The following DYSF variants were observed in gnomAD, a reference collection of about 807,000 sequenced individuals.
DYSF encodes dystrophy-associated fer-1-like 1.
In DYSF, 212 loss-of-function variants were observed where a neutral mutation model predicts 274.9. That is an observed-to-expected ratio of 0.77 (90% CI 0.69 to 0.86). DYSF has a LOEUF of 0.86. Ranked by LOEUF, DYSF falls within the 40% of genes least tolerant of loss-of-function variation. The pLI, the probability that DYSF is intolerant of heterozygous loss-of-function variation, is 0.00. For missense variants in DYSF, 2,666 were observed against 2,783.2 expected (o/e 0.96, Z 0.95); for synonymous variants, 1,091 against 1,078.7 (o/e 1.01, Z -0.22).
intron 1 of DYSF, among the ~76,000 whole-genome samples, chr2:71,461,284 G>T (rs2081276751): frequency 6.6e-6 from 1 of 152,214 alleles, no homozygotes; most frequent in Admixed American, 6.5e-5. Context: ...TTGCCAGAGG[G>T]ACCCGTCTAG....
At chr2:71,516,320 G>T (rs1040876025) in intron 9 of DYSF, 78 bp downstream of exon 9, 1 of 1,365,892 alleles carries the variant, frequency 7.3e-7, no homozygotes, top group Non-Finnish European at 1.0e-6. Context: ...GTGTGTGTTT[G>T]TGCACGTGTG....
intron 1 of DYSF, among the ~76,000 whole-genome samples, chr2:71,474,395 C>G (rs78022289): frequency 0.017 from 2,577 of 152,340 alleles, 87 homozygotes; most frequent in African/African-American, 0.059. Flanking sequence ...GCATGGCCCC[C>G]TTTCCTCACC....
At position 71,658,961 on chromosome 2, in the gene DYSF, AC is replaced by A; in HGVS notation, c.4843del (p.Gln1615ArgfsTer32). On this transcript the variant is annotated frameshift_variant, in exon 44 of 56. Coordinates refer to ENST00000410020, the MANE Select transcript of DYSF (RefSeq NM_001130987.2). LOFTEE classifies it high-confidence loss of function. ...AGTTCCACCAGCTGGCCGCCCAGGG[AC>A]CCCAGGAGTGCTTGGTCCGTATCTA... Reference protein sequence around the residue: ...RQFHQLAAQGPQECLVRIYIV... With the variant: ...RQFHQLAAQGXQECLVRIYIV... 1.2e-6 allele frequency: 2 copies of A among 1,613,960 alleles called. No homozygotes were observed. Among genetic ancestry groups the A allele is most frequent in the Non-Finnish European group, 1.7e-6 (2 of 1,179,978 alleles).
intron 51 of DYSF, among the ~76,000 whole-genome samples, chr2:71,673,937 A>T (rs1215684018): frequency 1.3e-5 from 2 of 152,192 alleles, no homozygotes; most frequent in Non-Finnish European, 2.9e-5. Context: ...AATGGGAGTG[A>T]TAACCTTGAC....
At chr2:71,453,687 G>A (rs2080931810) in exon 1 of DYSF, 1 of 441,486 alleles carries the variant, frequency 2.3e-6, no homozygotes, top group East Asian at 4.6e-5. Flanking sequence ...CGGAGCATTA[G>A]ATTACAGCTC....
At chr2:71,603,757 G>A (rs891444638) in intron 36 of DYSF, among the ~76,000 whole-genome samples, 2 of 152,306 alleles carry the variant, frequency 1.3e-5, no homozygotes, top group East Asian at 3.9e-4. Context: ...TCCTGTCCAG[G>A]GAAGCAGCAC....
At chr2:71,647,082 T>G (rs2094578649) in intron 42 of DYSF, among the ~76,000 whole-genome samples, 1 of 152,164 alleles carries the variant, frequency 6.6e-6, no homozygotes, top group Non-Finnish European at 1.5e-5. Flanking sequence ...TATAAACTGA[T>G]ATCTCACACT....
chr2:71,583,213 C>T lies in DYSF; in HGVS notation c.3403-6380C>T, dbSNP rs551398887. ...AATTCCTGAAAATATAATCTGCTCT[C>T]GTGAACCACATGCGCTCACTCCAGC... On this transcript the variant is annotated intron_variant, in intron 30 of 55. Transcript: ENST00000410020. Among the ~76,000 whole-genome samples, 7 of 152,284 alleles carry T rather than the reference C, an allele frequency of 4.6e-5. No homozygotes were observed. In the East Asian group the frequency reaches 5.8e-4, roughly 13 times the overall value.
At chr2:71,516,693 C>CACT (rs1045150718) in intron 9 of DYSF, among the ~76,000 whole-genome samples, 3 of 152,226 alleles carry the variant, frequency 2.0e-5, no homozygotes, top group Admixed American at 2.0e-4. Context: ...GCACTGCAGC[C>CACT]TAGTGGCTCT....
intron 24 of DYSF, among the ~76,000 whole-genome samples, chr2:71,566,080 A>T (rs1035673563): frequency 7.3e-5 from 11 of 151,534 alleles, no homozygotes; most frequent in Non-Finnish European, 1.2e-4. Context: ...TTAGATTCTA[A>T]CCTCCTGTGC....
chr2:71,524,982 A>G (rs1279924065), intron 12 of DYSF, among the ~76,000 whole-genome samples: 1 of 152,240 alleles, frequency 6.6e-6, no homozygotes, highest in East Asian at 1.9e-4. Flanking sequence ...TCACTTGGAC[A>G]CTTTTTGAAA....
intron 51 of DYSF, among the ~76,000 whole-genome samples, chr2:71,670,403 A>G (rs1054258111): frequency 6.6e-6 from 1 of 152,262 alleles, no homozygotes; most frequent in African/African-American, 2.4e-5. Flanking sequence ...AGTCTGGCCT[A>G]TAGATCATGG....
At chr2:71,611,138 C>T in intron 36 of DYSF, 107 bp from the exon 37 acceptor site, 1 of 859,458 alleles carries the variant, frequency 1.2e-6, no homozygotes, top group Non-Finnish European at 2.0e-6. Context: ...TTCTCTGTTT[C>T]TCCCTGCACT....
chr2:71,674,127 G>A, intron 51 of DYSF, 70 bp from the exon 52 acceptor site: 1 of 1,435,372 alleles, frequency 7.0e-7, no homozygotes, highest in Non-Finnish European at 9.8e-7. Flanking sequence ...AGCCTTCCAG[G>A]CTGGAAGGGA....
chr2:71,612,181 C>G (rs1428145677), intron 38 of DYSF, among the ~76,000 whole-genome samples: 5 of 152,200 alleles, frequency 3.3e-5, no homozygotes, highest in Admixed American at 3.3e-4. Flanking sequence ...CTCCTCTTGG[C>G]CGAGCCAAAG....
chr2:71,480,616 A>T (rs1052993696), intron 1 of DYSF, among the ~76,000 whole-genome samples: 1 of 152,184 alleles, frequency 6.6e-6, no homozygotes, highest in South Asian at 2.1e-4. Flanking sequence ...AAAGTCAGAA[A>T]TAACAATAAC....
chr2:71,632,658 A>G (rs774260017), intron 41 of DYSF, among the ~76,000 whole-genome samples: 5 of 152,126 alleles, frequency 3.3e-5, no homozygotes, highest in African/African-American at 4.8e-5. Context: ...TGCTTTCTTC[A>G]TATGTTTGAA....
At chr2:71,492,529 A>G (rs2083947036) in intron 3 of DYSF, among the ~76,000 whole-genome samples, 1 of 152,236 alleles carries the variant, frequency 6.6e-6, no homozygotes, top group Non-Finnish European at 1.5e-5. Flanking sequence ...AGAATGAGAA[A>G]TGGATACATG....
At chr2:71,498,481 T>A (rs1020390309) in intron 3 of DYSF, among the ~76,000 whole-genome samples, 2 of 152,212 alleles carry the variant, frequency 1.3e-5, no homozygotes, top group Non-Finnish European at 2.9e-5. Flanking sequence ...CCAGCAGGAA[T>A]GCAGTGTCTG....
Sources: gnomAD v4.1 joint callset for allele counts (sites outside exome capture counted in the v4.1 genomes callset) on GRCh38, gnomAD v4.1.1 for gene constraint, MANE v1.5 for transcripts, NCBI Gene and HGNC (gene_info 2026-07-23, HGNC 2026-07-21) for gene names.